The following NALF1 variants were observed in gnomAD, a reference collection of about 807,000 sequenced individuals.
NALF1 encodes the protein family with sequence similarity 155 member A.
NALF1 carries 3 observed loss-of-function variants against 48.4 expected under a neutral mutation model. The ratio of observed to expected loss-of-function variants is 0.06; its 90% confidence interval spans 0.03 to 0.16. NALF1 has a LOEUF of 0.16. Among genes scored for constraint, NALF1 ranks in the 10% least tolerant of loss-of-function variants. NALF1 has a pLI of 1.00. For synonymous variants in NALF1, 262 were observed against 245.7 expected, an observed-to-expected ratio of 1.07 and a Z score of -0.62; for missense variants, 526 against 571.5, an observed-to-expected ratio of 0.92 and a Z score of 0.81.
intron 1 of NALF1, among the ~76,000 whole-genome samples, chr13:107,792,952 C>T (rs1479317849): frequency 6.6e-6 from 1 of 152,106 alleles, no homozygotes; most frequent in Non-Finnish European, 1.5e-5. Flanking sequence ...GGATTACAGG[C>T]GTGAACCACT....
At chr13:107,847,123 T>C (rs1172735870) in intron 1 of NALF1, among the ~76,000 whole-genome samples, 1 of 152,184 alleles carries the variant, frequency 6.6e-6, no homozygotes, top group Non-Finnish European at 1.5e-5. Context: ...CATGACCTTT[T>C]TTTATTTCAT....
intron 2 of NALF1, among the ~76,000 whole-genome samples, chr13:107,176,802 G>A (rs1003333170): frequency 2.0e-5 from 3 of 151,978 alleles, no homozygotes; most frequent in Non-Finnish European, 4.4e-5. Context: ...GAGGAATCAG[G>A]CAAGAGAAAG....
At chr13:107,859,772 A>G (rs912870310) in intron 1 of NALF1, among the ~76,000 whole-genome samples, 5 of 152,040 alleles carry the variant, frequency 3.3e-5, no homozygotes, top group African/African-American at 1.2e-4. Context: ...GCATGGTGGT[A>G]GGCTATAATC....
At chr13:107,179,359 T>C (rs373045435) in intron 2 of NALF1, among the ~76,000 whole-genome samples, 42 of 152,134 alleles carry the variant, frequency 2.8e-4, no homozygotes, top group African/African-American at 1.0e-3. Context: ...ATGTTTACTA[T>C]AGGCTGGGAA....
intron 1 of NALF1, among the ~76,000 whole-genome samples, chr13:107,857,134 A>G (rs943628155): frequency 1.1e-4 from 17 of 152,176 alleles, no homozygotes; most frequent in African/African-American, 4.1e-4. Context: ...CACAGCTTCC[A>G]GGCTTTTCTT....
intron 1 of NALF1, among the ~76,000 whole-genome samples, chr13:107,743,203 T>C (rs1876687574): frequency 6.6e-6 from 1 of 152,180 alleles, no homozygotes; most frequent in Non-Finnish European, 1.5e-5. Context: ...GAGTCTCAAG[T>C]TTTCAGAGCA....
chr13:107,321,157 AT>A (rs1186267676), intron 1 of NALF1, among the ~76,000 whole-genome samples: 4 of 152,226 alleles, frequency 2.6e-5, no homozygotes, highest in African/African-American at 4.8e-5. Flanking sequence ...AAATGTTTTT[AT>A]TTTTGTGGGT....
At chr13:107,258,142 C>T (rs1880857973) in intron 1 of NALF1, among the ~76,000 whole-genome samples, 1 of 152,112 alleles carries the variant, frequency 6.6e-6, no homozygotes, top group African/African-American at 2.4e-5. Flanking sequence ...TGGCAAAAGA[C>T]CGCAAAGCAA....
In NALF1 at chr13:107,767,643, G is replaced by C. The variant is rs1274534326; in HGVS notation, c.915+98039C>G. ...TTCATGGGATAGTATAAAAGTTATC[G>C]GTACGCTGCTAATGGTCATTTTTCC... is the stretch of plus-strand genomic sequence containing the variant. On this transcript the variant is annotated intron_variant, in intron 1 of 2. Transcript: ENST00000375915. Among the ~76,000 whole-genome samples the C allele has an allele frequency of 3.3e-5, 5 of 152,052 alleles. No individual in the cohort carries two copies. The East Asian group carries it at 9.6e-4, about 29-fold the overall frequency.
intron 1 of NALF1, among the ~76,000 whole-genome samples, chr13:107,714,226 T>C (rs1057456897): frequency 1.2e-4 from 19 of 152,364 alleles, no homozygotes; most frequent in African/African-American, 4.3e-4. Context: ...TGGTTGAATA[T>C]GACACATAAG....
At chr13:107,355,906 T>C (rs2138949637) in intron 1 of NALF1, among the ~76,000 whole-genome samples, 1 of 152,302 alleles carries the variant, frequency 6.6e-6, no homozygotes, top group African/African-American at 2.4e-5. Context: ...TGGTAGGACA[T>C]CTGTTCTCAA....
chr13:107,791,301 C>G (rs754335775), intron 1 of NALF1, among the ~76,000 whole-genome samples: 5 of 152,084 alleles, frequency 3.3e-5, no homozygotes, highest in Non-Finnish European at 5.9e-5. Context: ...GTATCATCTA[C>G]AGTACAATCC....
chr13:107,252,043 G>A (rs1418372573), intron 1 of NALF1, among the ~76,000 whole-genome samples: 3 of 152,188 alleles, frequency 2.0e-5, no homozygotes, highest in African/African-American at 7.2e-5. Flanking sequence ...GACTCTGGCA[G>A]TGGGAGAGGG....
At chr13:107,561,489 G>A (rs116842955) in intron 1 of NALF1, among the ~76,000 whole-genome samples, 2,192 of 152,188 alleles carry the variant, frequency 0.014, 32 homozygotes, top group Middle Eastern at 0.058. Context: ...GTATCATATC[G>A]GAAGGACTCA....
chr13:107,483,464 T>C (rs1302481313), intron 1 of NALF1, among the ~76,000 whole-genome samples: 2 of 152,208 alleles, frequency 1.3e-5, no homozygotes, highest in African/African-American at 4.8e-5. Context: ...CCATCTATAA[T>C]ACTTATGATT....
chr13:107,727,317 T>C (rs868119553), intron 1 of NALF1, among the ~76,000 whole-genome samples: 3 of 152,208 alleles, frequency 2.0e-5, no homozygotes, highest in Non-Finnish European at 4.4e-5. Context: ...CTTATATCTA[T>C]GTGACATTCT....
intron 1 of NALF1, among the ~76,000 whole-genome samples, chr13:107,361,343 A>G (rs988349145): frequency 1.3e-5 from 2 of 152,176 alleles, no homozygotes; most frequent in Non-Finnish European, 2.9e-5. Flanking sequence ...CTGGCTCAGG[A>G]AATAGTAAGT....
intron 1 of NALF1, among the ~76,000 whole-genome samples, chr13:107,384,424 A>G (rs1883491885): frequency 6.6e-6 from 1 of 152,194 alleles, no homozygotes; most frequent in South Asian, 2.1e-4. Context: ...AAGCTATTAA[A>G]TAACTACGAA....
intron 1 of NALF1, among the ~76,000 whole-genome samples, chr13:107,505,235 A>G (rs1321032490): frequency 6.6e-6 from 1 of 152,192 alleles, no homozygotes; most frequent in African/African-American, 2.4e-5. Context: ...TATTGCAGAG[A>G]GCATAGCATT....
Sources: gnomAD v4.1 joint callset for allele counts (sites outside exome capture counted in the v4.1 genomes callset) on GRCh38, gnomAD v4.1.1 for gene constraint, MANE v1.5 for transcripts, NCBI Gene and HGNC (gene_info 2026-07-23, HGNC 2026-07-21) for gene names.